Variants in ADAT1 observed in about 807,000 individuals in gnomAD.
ADAT1 encodes tRNA-specific adenosine deaminase 1.
Under a neutral mutation model 58.6 loss-of-function variants are expected in ADAT1, and 58 were observed. The observed-to-expected ratio is 0.99, with a 90% CI of 0.80 to 1.23. The LOEUF (loss-of-function observed/expected upper bound fraction) is 1.23, where lower values mean the gene tolerates loss of function less well. Among genes scored for constraint, ADAT1 ranks in the 50% most tolerant of loss-of-function variants. The pLI is 0.00. For synonymous variants in ADAT1, 254 were observed against 220.8 expected (o/e 1.15, Z -1.33); for missense variants, 741 against 608.6 (o/e 1.22, Z -2.29).
At chr16:75,601,541 G>A (rs181663793) in intron 9 of ADAT1, among the ~76,000 whole-genome samples, 3 of 152,080 alleles carry the variant, frequency 2.0e-5, no homozygotes, top group East Asian at 3.9e-4. Context: ...TGGATCGCCC[G>A]AGGTCAGTAG....
At chr16:75,603,724 T>C (rs1191515330) in intron 8 of ADAT1, among the ~76,000 whole-genome samples, 1 of 152,040 alleles carries the variant, frequency 6.6e-6, no homozygotes. Context: ...TTGACTACTT[T>C]ATAAGCCCAC....
At chr16:75,604,419 TGA>T (rs1281281287) in intron 8 of ADAT1, among the ~76,000 whole-genome samples, 1 of 104,928 alleles carries the variant, frequency 9.5e-6, no homozygotes, top group Non-Finnish European at 1.7e-5. Context: ...GGTGACAGAG[TGA>T]GATTCTGTCT....
At position 75,600,319 on chromosome 16, in the gene ADAT1, T is replaced by G; in HGVS notation, c.1406A>C (p.Tyr469Ser). The G allele has an allele frequency of 6.2e-7, 1 of 1,614,014 alleles. No individual in the cohort carries two copies. Among genetic ancestry groups the G allele is most frequent in the Admixed American group, 1.7e-5 (1 of 60,010 alleles). The stretch of plus-strand genomic sequence containing the variant: ...CTGGTAAGAGGACGCAGCCTCCTTG[T>G]ACTCCTGGTAGGTATCCAGCTTCTG... ...RVQKLDTYQE[Y>S]KEAASSYQEA... The change falls in exon 10 of 10, where the codon TAC (tyrosine) becomes TCC (serine). Residue 469 changes from tyrosine to serine, a missense_variant. Tyr to Ser is a moderately radical substitution (Grantham distance 144). Coordinates refer to ENST00000564657, the MANE Select transcript of ADAT1 (RefSeq NM_001324445.2).
chr16:75,599,548 T>C lies in ADAT1; in HGVS notation c.*668A>G. 1.0e-6 allele frequency: 1 copy of C among 985,964 alleles called. No homozygotes were observed. The highest frequency in any genetic ancestry group is 1.2e-6 in the Non-Finnish European group (1 of 829,986). 61.1% of individuals were successfully genotyped at this position (985,964 alleles called of 1,614,324 possible). On this transcript the variant is annotated 3_prime_UTR_variant, in exon 10 of 10. Coordinates refer to ENST00000564657, the MANE Select transcript of ADAT1 (RefSeq NM_001324445.2). Reference sequence around the variant, plus strand: ...CTGTTTCCTTTGTTGCCTTCATTCTTTGCTGGCTTTCTCTAGGTAGTAGGA... The same window carrying C: ...CTGTTTCCTTTGTTGCCTTCATTCTCTGCTGGCTTTCTCTAGGTAGTAGGA...
At chr16:75,601,257 T>C (rs575607874) in intron 9 of ADAT1, among the ~76,000 whole-genome samples, 3 of 151,708 alleles carry the variant, frequency 2.0e-5, no homozygotes, top group East Asian at 3.9e-4. Flanking sequence ...GGAGAATCAC[T>C]TGAACCCAGG....
At position 75,612,823 on chromosome 16, in the gene ADAT1, C is replaced by A; in HGVS notation, c.463G>T (p.Asp155Tyr). The change falls in exon 6 of 10, where the codon GAT becomes TAT. Residue 155 changes from aspartate to tyrosine, a missense_variant. Transcript: ENST00000564657. The stretch of plus-strand genomic sequence containing the variant: ...CTGAAGACAGGACAGCAAGGCTGAT[C>A]TTCAAACTCAAGCATCGGAATGATG... Reference protein sequence around the residue: ...ASIIPMLEFEDQPCCPVFRNW... With the variant: ...ASIIPMLEFEYQPCCPVFRNW... 2 of 1,613,910 alleles carry A rather than the reference C, an allele frequency of 1.2e-6. No homozygotes were observed. Among genetic ancestry groups the A allele is most frequent in the Non-Finnish European group, 1.7e-6 (2 of 1,179,978 alleles).
chr16:75,618,560 AC>A (rs1180743673), intron 4 of ADAT1, 25 bp downstream of exon 4: 3 of 1,532,248 alleles, frequency 2.0e-6, no homozygotes, highest in Admixed American at 4.0e-5. Flanking sequence ...GTCCTGCTGA[AC>A]CATACTCTGG....
chr16:75,610,794 A>C (rs1317143926), intron 6 of ADAT1, among the ~76,000 whole-genome samples: 1 of 151,982 alleles, frequency 6.6e-6, no homozygotes, highest in African/African-American at 2.4e-5. Context: ...TCATCTTTTG[A>C]CTTTTAACTT....
At chr16:75,618,938 C>A (rs140094193) in intron 3 of ADAT1, among the ~76,000 whole-genome samples, 1 of 152,290 alleles carries the variant, frequency 6.6e-6, no homozygotes, top group African/African-American at 2.4e-5. Flanking sequence ...GACACTAGCA[C>A]CCCTCCCTCA....
chr16:75,601,896 C>T (rs1446360302), intron 9 of ADAT1: 2 of 152,150 alleles, frequency 1.3e-5, no homozygotes, highest in Non-Finnish European at 2.9e-5. Context: ...TCTAGCTACT[C>T]CTTAGTTTCC....
intron 5 of ADAT1, among the ~76,000 whole-genome samples, chr16:75,613,650 G>A (rs935575949): frequency 1.3e-5 from 2 of 151,998 alleles, no homozygotes; most frequent in African/African-American, 4.8e-5. Flanking sequence ...TTGCTGTGGC[G>A]GCTGTCCTGT....
rs1313818515 is a variant in ADAT1 at position 75,599,733 on chromosome 16, C to G, written c.*483G>C. ...GGAGTAAGGTTAGCTTCAGCCAAGTCTGAGGCACAGAGCAGGATCACTGAA... is the reference window on the plus strand; with the variant it reads ...GGAGTAAGGTTAGCTTCAGCCAAGTGTGAGGCACAGAGCAGGATCACTGAA... On this transcript the variant is annotated 3_prime_UTR_variant, in exon 10 of 10. Coordinates refer to ENST00000564657, the MANE Select transcript of ADAT1 (RefSeq NM_001324445.2). 1.0e-6 allele frequency: 1 copy of G among 988,792 alleles called. No homozygotes were observed. Among genetic ancestry groups the G allele is most frequent in the East Asian group, 1.1e-4 (1 of 8,858 alleles). The allele number at this position is 988,792 out of a possible 1,614,324, so 61.3% of individuals were successfully genotyped here. A position where few individuals can be genotyped will look rare whatever the true frequency, so the allele number is the denominator to read the frequency against.
intron 9 of ADAT1, 68 bp from the exon 10 acceptor site, chr16:75,600,416 C>A (rs1426023542): frequency 6.3e-7 from 1 of 1,588,676 alleles, no homozygotes; most frequent in Non-Finnish European, 8.6e-7. Flanking sequence ...CCACCAGACA[C>A]CTGAGCAAGC....
rs951749660 is a variant in ADAT1, at chr16:75,617,378, T to C, written c.294-106A>G. 2.4e-5 allele frequency: 29 copies of C among 1,226,322 alleles called. No individual in the cohort carries two copies. In the African/African-American group the frequency reaches 3.9e-4, roughly 17 times the overall value. 76.0% of individuals were successfully genotyped at this position (1,226,322 alleles called of 1,614,324 possible). On this transcript the variant is annotated intron_variant, in intron 4 of 9. Coordinates refer to ENST00000564657, the MANE Select transcript of ADAT1 (RefSeq NM_001324445.2). The stretch of plus-strand genomic sequence containing the variant: ...ACAGCTTACTGTAGACTAATGGGAC[T>C]GGTAGTGATGGGGAATTATGAGAAT...
In ADAT1 at chr16:75,612,437, C is replaced by A; in HGVS notation, c.849G>T (p.Leu283=). Residue 283 remains leucine (L), a synonymous_variant, in exon 6 of 10, where the codon CTG becomes CTT. Coordinates refer to ENST00000564657, the MANE Select transcript of ADAT1 (RefSeq NM_001324445.2). The part of the protein sequence containing the change: ...KPGAAFHQVG[L]LRVKPGRGDR... ...CTCCACGGCCTGGCTTCACTCGGAG[C>A]AGCCCCACCTGGTGAAACGCAGCAC... The A allele has an allele frequency of 6.2e-7, 1 of 1,614,242 alleles. No individual in the cohort carries two copies.
intron 8 of ADAT1, among the ~76,000 whole-genome samples, chr16:75,603,698 C>T (rs1323120111): frequency 3.0e-5 from 4 of 133,150 alleles, no homozygotes; most frequent in Non-Finnish European, 6.2e-5. Context: ...GTTTGGAATA[C>T]TTAAGGAGGT....
intron 9 of ADAT1, among the ~76,000 whole-genome samples, chr16:75,602,368 T>A (rs779059923): frequency 1.3e-5 from 2 of 152,212 alleles, no homozygotes; most frequent in Admixed American, 1.3e-4. Flanking sequence ...TTACCCTATA[T>A]CTCTCTCCTT....
At position 75,623,014 on chromosome 16, in the gene ADAT1, C is replaced by G. The variant is rs997105807; in HGVS notation, c.-633G>C. On this transcript the variant is annotated 5_prime_UTR_variant, in exon 1 of 10. Transcript: ENST00000564657. Reference sequence around the variant, plus strand: ...AGCCATGCAGTGAGAACAGCGTGAGCGCCTGATCCATTGGGTCCTGCGGCT... The same window carrying G: ...AGCCATGCAGTGAGAACAGCGTGAGGGCCTGATCCATTGGGTCCTGCGGCT... 1 of 152,036 alleles carries G rather than the reference C, an allele frequency of 6.6e-6. No individual in the cohort carries two copies. Among genetic ancestry groups the G allele is most frequent in the Non-Finnish European group, 1.5e-5 (1 of 68,084 alleles). The allele number at this position is 152,036 out of a possible 1,614,324, so 9.4% of individuals were successfully genotyped here.
chr16:75,619,620 A>AAGATTGCTTACC (rs1367833865), intron 3 of ADAT1: 1 of 455,572 alleles, frequency 2.2e-6, no homozygotes, highest in Admixed American at 2.4e-5. Flanking sequence ...CCTGTCATTC[A>AAGATTGCTTACC]AGATTGCTTA....
Sources: gnomAD v4.1 joint callset for allele counts (sites outside exome capture counted in the v4.1 genomes callset) on GRCh38, gnomAD v4.1.1 for gene constraint, MANE v1.5 for transcripts, NCBI Gene and HGNC (gene_info 2026-07-23, HGNC 2026-07-21) for gene names.